The following CHCHD6 variants were observed in gnomAD, a reference collection of about 807,000 sequenced individuals.
CHCHD6 encodes the protein MICOS complex subunit MIC25.
CHCHD6 carries 28 observed loss-of-function variants against 32.3 expected under a neutral mutation model. The ratio of observed to expected loss-of-function variants is 0.87; its 90% CI spans 0.64 to 1.19. The LOEUF is 1.19. CHCHD6 is among the 50% of genes most tolerant of loss of function. The pLI is 0.00. For missense variants in CHCHD6, 333 were observed against 307.0 expected, an observed-to-expected ratio of 1.08 and a Z score of -0.63; for synonymous variants, 122 against 117.5, an observed-to-expected ratio of 1.04 and a Z score of -0.25.
At chr3:126,809,808 A>C (rs1205046537) in intron 4 of CHCHD6, among the ~76,000 whole-genome samples, 1 of 152,120 alleles carries the variant, frequency 6.6e-6, no homozygotes, top group African/African-American at 2.4e-5. Flanking sequence ...TCATTTTTCC[A>C]CCTAAGTTTC....
chr3:126,881,584 A>G (rs192698579), intron 5 of CHCHD6, among the ~76,000 whole-genome samples: 26 of 152,282 alleles, frequency 1.7e-4, no homozygotes, highest in Admixed American at 1.1e-3. Context: ...CACTAATACC[A>G]CAAGTCGTTG....
intron 4 of CHCHD6, among the ~76,000 whole-genome samples, chr3:126,830,276 A>G (rs1251816913): frequency 6.6e-6 from 1 of 152,180 alleles, no homozygotes; most frequent in Admixed American, 6.5e-5. Flanking sequence ...GTGTCATTAT[A>G]TGCCACTGGG....
At chr3:126,810,961 G>A (rs9858948) in intron 4 of CHCHD6, among the ~76,000 whole-genome samples, 53,542 of 151,978 alleles carry the variant, frequency 0.35, 11,576 homozygotes, top group African/African-American at 0.61. Flanking sequence ...GGGACCACCA[G>A]GTTAGAGACA....
At chr3:126,754,244 A>T (rs955268226) in intron 4 of CHCHD6, among the ~76,000 whole-genome samples, 27 of 152,200 alleles carry the variant, frequency 1.8e-4, no homozygotes, top group Admixed American at 6.5e-5. Context: ...CACTTTCCCC[A>T]TCCGTAATAC....
At chr3:126,844,157 T>C (rs1233238273) in intron 4 of CHCHD6, among the ~76,000 whole-genome samples, 1 of 152,234 alleles carries the variant, frequency 6.6e-6, no homozygotes, top group African/African-American at 2.4e-5. Context: ...CAGTGACTGT[T>C]CCATGTGTAT....
At chr3:126,830,681 G>A (rs372269934) in intron 4 of CHCHD6, among the ~76,000 whole-genome samples, 1 of 152,138 alleles carries the variant, frequency 6.6e-6, no homozygotes, top group Non-Finnish European at 1.5e-5. Flanking sequence ...TGTGTTGTCC[G>A]CACGGTTTTC....
At chr3:126,862,798 TTCCCCTCTACCACCATCACCAACTCCC>T (rs1360583111) in intron 5 of CHCHD6, among the ~76,000 whole-genome samples, 8 of 2,348 alleles carry the variant, frequency 3.4e-3, no homozygotes, top group African/African-American at 5.8e-3. Flanking sequence ...CATCACCACC[TTCCCCTCTACCACCATCACCAACTCCC>T]CCTCCTCCAC....
chr3:126,823,060 C>T (rs1940219612), intron 4 of CHCHD6, among the ~76,000 whole-genome samples: 1 of 151,986 alleles, frequency 6.6e-6, no homozygotes. Context: ...CACACATCAC[C>T]ACACCCTGCC....
intron 6 of CHCHD6, among the ~76,000 whole-genome samples, chr3:126,927,021 C>T (rs897019310): frequency 4.6e-5 from 7 of 152,030 alleles, no homozygotes; most frequent in South Asian, 2.1e-4. Context: ...AGGGAACAGT[C>T]GGGTAATGTG....
intron 4 of CHCHD6, among the ~76,000 whole-genome samples, chr3:126,761,138 T>C (rs190321229): frequency 1.3e-5 from 2 of 152,372 alleles, no homozygotes; most frequent in African/African-American, 4.8e-5. Context: ...CCAATATATA[T>C]ATACGCACAC....
chr3:126,824,799 G>A (rs1352072460), intron 4 of CHCHD6, among the ~76,000 whole-genome samples: 4 of 151,700 alleles, frequency 2.6e-5, no homozygotes, highest in Admixed American at 6.6e-5. Flanking sequence ...GGCTGGTCTC[G>A]AACTCCCAAT....
chr3:126,841,434 C>A (rs1429441396), intron 4 of CHCHD6, among the ~76,000 whole-genome samples: 3 of 152,090 alleles, frequency 2.0e-5, no homozygotes, highest in African/African-American at 7.2e-5. Flanking sequence ...AAAGCCTGTT[C>A]CCTGAAGCCC....
intron 4 of CHCHD6, among the ~76,000 whole-genome samples, chr3:126,765,970 T>C (rs1289935673): frequency 6.6e-6 from 1 of 152,154 alleles, no homozygotes; most frequent in African/African-American, 2.4e-5. Flanking sequence ...TGGTTTTGGA[T>C]GGAAGCAGGC....
chr3:126,756,499 A>G (rs1345183489), intron 4 of CHCHD6, among the ~76,000 whole-genome samples: 1 of 152,120 alleles, frequency 6.6e-6, no homozygotes, highest in Non-Finnish European at 1.5e-5. Context: ...GGGGAAGTGG[A>G]ATGTGTAGCT....
chr3:126,830,060 T>G (rs774754391), intron 4 of CHCHD6, among the ~76,000 whole-genome samples: 15 of 152,158 alleles, frequency 9.9e-5, no homozygotes, highest in Non-Finnish European at 1.9e-4. Flanking sequence ...ATCGCACCAC[T>G]GCACTCCAGC....
At chr3:126,906,431 G>A (rs562551763) in intron 5 of CHCHD6, among the ~76,000 whole-genome samples, 1 of 152,320 alleles carries the variant, frequency 6.6e-6, no homozygotes, top group South Asian at 2.1e-4. Flanking sequence ...CTCTGGAACG[G>A]GCTCTGCGGC....
At chr3:126,886,798 G>A (rs958186632) in intron 5 of CHCHD6, among the ~76,000 whole-genome samples, 10 of 152,106 alleles carry the variant, frequency 6.6e-5, no homozygotes, top group Non-Finnish European at 1.0e-4. Flanking sequence ...GAGGTGCCTA[G>A]GAGCTTTCCA....
intron 4 of CHCHD6, among the ~76,000 whole-genome samples, chr3:126,765,553 G>T (rs1937335377): frequency 6.6e-6 from 1 of 152,226 alleles, no homozygotes; most frequent in Non-Finnish European, 1.5e-5. Flanking sequence ...CGGCCTGTGC[G>T]ACGCAGGATC....
chr3:126,816,875 A>T (rs1576452454), intron 4 of CHCHD6, among the ~76,000 whole-genome samples: 1 of 151,456 alleles, frequency 6.6e-6, no homozygotes, highest in East Asian at 1.9e-4. Flanking sequence ...TTCCCACCCC[A>T]CGACAGGCCC....
Sources: allele counts gnomAD v4.1 joint callset (sites outside exome capture counted in the v4.1 genomes callset), GRCh38; gene constraint gnomAD v4.1.1; transcripts MANE v1.5; gene names NCBI Gene and HGNC (gene_info 2026-07-23, HGNC 2026-07-21).